The following NBPF26 variants were observed in gnomAD, a reference collection of about 807,000 sequenced individuals.
The protein encoded by NBPF26 is NBPF family member NBPF26.
A neutral mutation model predicts 119.6 loss-of-function variants in NBPF26; 79 were observed. The ratio of observed to expected loss-of-function variants is 0.66; its 90% CI spans 0.55 to 0.80. NBPF26 has a LOEUF of 0.80. NBPF26 is among the 30% of genes least tolerant of loss of function. NBPF26 has a pLI of 0.00. For missense variants in NBPF26, 800 were observed against 1,198.2 expected (o/e 0.67, Z 4.91); for synonymous variants, 299 against 457.7 (o/e 0.65, Z 4.43).
intron 2 of NBPF26, among the ~76,000 whole-genome samples, chr1:120,767,151 AT>A (rs1413910660): frequency 8.9e-6 from 1 of 112,174 alleles, no homozygotes. Flanking sequence ...AAAATAGAAA[AT>A]AAATATTAAA....
chr1:120,806,021 A>G (rs1176047549), intron 5 of NBPF26, among the ~76,000 whole-genome samples: 2 of 108,450 alleles, frequency 1.8e-5, no homozygotes, highest in Admixed American at 1.8e-4. Flanking sequence ...ACAGGCACAG[A>G]ATGACCTGTT....
In NBPF26 at chr1:120,760,174, C is replaced by T. The variant is rs1242204691; in HGVS notation, c.74-3454C>T. 4.0e-4 allele frequency among the ~76,000 whole-genome samples: 19 copies of T among 47,134 alleles called. 3 individuals are homozygous for T. The African/African-American group carries it at 4.7e-3, about 12-fold the overall frequency. The allele number at this position is 47,134 out of a possible 152,430, so 30.9% of individuals were successfully genotyped here. ...AATAGTATTCCATTGTATATATCTA[C>T]CACAGCTTTTTTTTTTTTTTTTTTT... On this transcript the variant is annotated intron_variant, in intron 1 of 29. Transcript: ENST00000620612.
chr1:120,805,357 G>A, intron 4 of NBPF26, 199 bp from the exon 5 acceptor site: 3 of 1,053,010 alleles, frequency 2.8e-6, no homozygotes, highest in South Asian at 1.4e-5. Context: ...CTGAGCTACT[G>A]GCAGTGCTTT....
chr1:120,812,013 G>C lies in NBPF26; in HGVS notation c.1692G>C (p.Lys564Asn). 8 of 1,291,954 alleles carry C rather than the reference G, an allele frequency of 6.2e-6. 2 individuals carry two copies. The highest frequency in any genetic ancestry group is 8.4e-6 in the Non-Finnish European group (8 of 946,908). The allele number at this position is 1,291,954 out of a possible 1,614,324, so 80.0% of individuals were successfully genotyped here. A position where few individuals can be genotyped will look rare whatever the true frequency, so the allele number is the denominator to read the frequency against. ...AATTGCGCCCCCAGCTGGCAGAGAAGAAACAGCAGTTCAGAAACCTCAAAG... is the reference window on the plus strand; with the variant it reads ...AATTGCGCCCCCAGCTGGCAGAGAACAAACAGCAGTTCAGAAACCTCAAAG... The change falls in exon 10 of 30, where the codon AAG becomes AAC. Residue 564 changes from lysine (K) to asparagine (N), a missense_variant. This residue lies in a region of NBPF26 where 72 missense variants were observed against 81.1 expected (regional missense o/e 0.89). Transcript: ENST00000620612.
In NBPF26 at chr1:120,812,899, G is replaced by A. The variant is rs1651903316; in HGVS notation, c.1774+804G>A. ...GATTTTGCCATTGCACTCCAGCCTGGGCGACAGGGCAAGACTGCTAAAAAT... is the reference window on the plus strand; with the variant it reads ...GATTTTGCCATTGCACTCCAGCCTGAGCGACAGGGCAAGACTGCTAAAAAT... On this transcript the variant is annotated intron_variant, in intron 10 of 29. Transcript: ENST00000620612. 1.8e-5 allele frequency among the ~76,000 whole-genome samples: 2 copies of A among 110,418 alleles called. 1 individual carries two copies. The highest frequency in any genetic ancestry group is 3.4e-5 in the Non-Finnish European group (2 of 58,250). The allele number at this position is 110,418 out of a possible 152,430, so 72.4% of individuals were successfully genotyped here. A position where few individuals can be genotyped will look rare whatever the true frequency, so the allele number is the denominator to read the frequency against.
rs1341263924 is a variant in NBPF26 at position 120,759,857 on chromosome 1, A to G, written c.74-3771A>G. 5.3e-5 allele frequency among the ~76,000 whole-genome samples: 6 copies of G among 112,636 alleles called. 1 individual carries two copies. In the East Asian group the frequency reaches 1.3e-3, roughly 24 times the overall value. The allele number at this position is 112,636 out of a possible 152,430, so 73.9% of individuals were successfully genotyped here. A position where few individuals can be genotyped will look rare whatever the true frequency, so the allele number is the denominator to read the frequency against. The stretch of plus-strand genomic sequence containing the variant: ...AAATTTACTCTCTTAGCAATTTTGA[A>G]ATGTACAATACCCTATTATTAACTA... On this transcript the variant is annotated intron_variant, in intron 1 of 29. Coordinates refer to ENST00000620612, the Ensembl canonical transcript of NBPF26.
At chr1:120,776,296 A>G (rs1391748900) in intron 2 of NBPF26, among the ~76,000 whole-genome samples, 1 of 107,690 alleles carries the variant, frequency 9.3e-6, no homozygotes, top group East Asian at 2.3e-4. Context: ...TTAAGTTGAG[A>G]CTTAATGAAA....
intron 2 of NBPF26, among the ~76,000 whole-genome samples, chr1:120,767,723 C>CT (rs1292572416): frequency 1.7e-5 from 2 of 115,800 alleles, no homozygotes; most frequent in African/African-American, 1.0e-4. Flanking sequence ...TCATTAATCA[C>CT]TTTCAAGTTG....
chr1:120,784,919 T>A (rs1651404325), intron 2 of NBPF26, 55 bp from the exon 3 acceptor site: 1 of 1,059,976 alleles, frequency 9.4e-7, no homozygotes, highest in Admixed American at 2.2e-5. Context: ...TACTGTAATT[T>A]TTTGGACTTA....
At chr1:120,743,772 G>A (rs1650955585) in intron 1 of NBPF26, among the ~76,000 whole-genome samples, 1 of 124,622 alleles carries the variant, frequency 8.0e-6, no homozygotes, top group African/African-American at 3.5e-5. Context: ...AGAAGTTCTG[G>A]TATGGATAGT....
At chr1:120,745,031 G>A (rs1650965160) in intron 1 of NBPF26, among the ~76,000 whole-genome samples, 1 of 42,966 alleles carries the variant, frequency 2.3e-5, no homozygotes, top group South Asian at 7.1e-4. Flanking sequence ...GAGGCAGGAG[G>A]ATTGCTTGAG....
intron 1 of NBPF26, among the ~76,000 whole-genome samples, chr1:120,745,793 G>A (rs1254820764): frequency 2.3e-5 from 1 of 43,380 alleles, no homozygotes; most frequent in Non-Finnish European, 3.8e-5. Context: ...TCCAACCTGG[G>A]CAATAGAGAG....
At chr1:120,759,676 A>G (rs1472908006) in intron 1 of NBPF26, among the ~76,000 whole-genome samples, 77,385 of 98,926 alleles carry the variant, frequency 0.78, 34,198 homozygotes, top group African/African-American at 0.87. Context: ...GTAAAGCCAC[A>G]AGTCTCAAGA....
rs1651513075 is a variant in NBPF26 at position 120,793,240 on chromosome 1, G to A, written c.495G>A (p.Gln165=). ...GTACCTGTACCACTGTGGCCAACCA[G>A]TTCTCCTGCAAATGCCTCACAGGCT... The change falls in exon 4 of 30, where the codon CAG becomes CAA. Residue 165 remains glutamine (Q), a synonymous_variant. Coordinates refer to ENST00000620612, the Ensembl canonical transcript of NBPF26. 11 of 1,439,778 alleles carry A rather than the reference G, an allele frequency of 7.6e-6. 2 individuals carry two copies. Among genetic ancestry groups the A allele is most frequent in the Admixed American group, 3.9e-5 (2 of 50,910 alleles). The allele number at this position is 1,439,778 out of a possible 1,614,324, so 89.2% of individuals were successfully genotyped here. A position where few individuals can be genotyped will look rare whatever the true frequency, so the allele number is the denominator to read the frequency against.
rs1254917213 is a variant in NBPF26 at position 120,790,773 on chromosome 1, T to A, written c.416-2388T>A. Among the ~76,000 whole-genome samples the A allele has an allele frequency of 8.3e-5, 9 of 107,986 alleles. 1 individual carries two copies. Among genetic ancestry groups the A allele is most frequent in the Middle Eastern group, 7.9e-3 (2 of 252 alleles). The allele number at this position is 107,986 out of a possible 152,430, so 70.8% of individuals were successfully genotyped here. A position where few individuals can be genotyped will look rare whatever the true frequency, so the allele number is the denominator to read the frequency against. ...CGCTATGAAGCCCGGCTAATTTTTG[T>A]ATTTTTAGAAAAGATGGCGTTTCAC... On this transcript the variant is annotated intron_variant, in intron 3 of 29. Transcript: ENST00000620612.
At chr1:120,823,509 G>C (rs1482761657) in intron 17 of NBPF26, 149 bp downstream of exon 17, 5 of 582,584 alleles carry the variant, frequency 8.6e-6, no homozygotes, top group Admixed American at 3.1e-5. Flanking sequence ...GTTCTCATTA[G>C]AGTAAATCTT....
intron 2 of NBPF26, among the ~76,000 whole-genome samples, chr1:120,778,183 C>T (rs1186182339): frequency 1.3e-5 from 1 of 76,348 alleles, no homozygotes; most frequent in Non-Finnish European, 2.3e-5. Context: ...ACCTTTGTTA[C>T]TGACCGATGC....
rs1326376601 is a variant in NBPF26, at chr1:120,823,523, G to C, written c.2639+163G>C. Among the ~76,000 whole-genome samples the C allele has an allele frequency of 2.5e-4, 28 of 112,640 alleles. 2 individuals carry two copies. Among genetic ancestry groups the C allele is most frequent in the African/African-American group, 1.4e-3 (28 of 20,080 alleles). 73.9% of individuals were successfully genotyped at this position (112,640 alleles called of 152,430 possible). Reference sequence around the variant, plus strand: ...GGTTCTCATTAGAGTAAATCTTTAGGTTTCCATTTCTTCCTACCCTTATCA... The same window carrying C: ...GGTTCTCATTAGAGTAAATCTTTAGCTTTCCATTTCTTCCTACCCTTATCA... On this transcript the variant is annotated intron_variant, in intron 17 of 29. Coordinates refer to ENST00000620612, the Ensembl canonical transcript of NBPF26.
At chr1:120,766,030 C>T (rs1279935618) in intron 2 of NBPF26, among the ~76,000 whole-genome samples, 1 of 32,146 alleles carries the variant, frequency 3.1e-5, no homozygotes, top group African/African-American at 4.0e-4. Context: ...ACCTAATGCA[C>T]GTGGGGCTTA....
Sources: allele counts gnomAD v4.1 joint callset (sites outside exome capture counted in the v4.1 genomes callset), GRCh38; gene constraint gnomAD v4.1.1; regional missense constraint gnomAD v4.1.1; transcripts MANE v1.5; gene names NCBI Gene and HGNC (gene_info 2026-07-23, HGNC 2026-07-21).